ASTN1: variants seen among roughly 807,000 people sequenced by gnomAD.
ASTN1 encodes the protein astrotactin-1.
Under a neutral mutation model 140.7 loss-of-function variants are expected in ASTN1, and 41 were observed. That is an observed-to-expected ratio of 0.29 (90% CI 0.23 to 0.38). The LOEUF (loss-of-function observed/expected upper bound fraction) is 0.38, where lower values mean the gene tolerates loss of function less well. Among genes scored for constraint, ASTN1 ranks in the 10% least tolerant of loss-of-function variants. The probability of loss-of-function intolerance (pLI) is 1.00; values close to 1 mark genes in which losing one functional copy is unlikely to be tolerated. For missense variants in ASTN1, 1,479 were observed against 1,678.8 expected, an observed-to-expected ratio of 0.88 and a Z score of 2.08; for synonymous variants, 640 against 652.2, an observed-to-expected ratio of 0.98 and a Z score of 0.29.
chr1:177,117,298 C>T (rs558453752), intron 1 of ASTN1, among the ~76,000 whole-genome samples: 11 of 152,302 alleles, frequency 7.2e-5, no homozygotes, highest in Admixed American at 2.0e-4. Flanking sequence ...CCCGGCTTCA[C>T]TCCCACAGGT....
intron 16 of ASTN1, among the ~76,000 whole-genome samples, chr1:176,931,131 A>C (rs1671189166): frequency 6.6e-6 from 1 of 152,218 alleles, no homozygotes; most frequent in Admixed American, 6.5e-5. Flanking sequence ...GGGGAGGTTG[A>C]AAATTTCATT....
At chr1:177,084,807 CCTT>C (rs1336948228) in intron 1 of ASTN1, among the ~76,000 whole-genome samples, 2 of 152,090 alleles carry the variant, frequency 1.3e-5, no homozygotes, top group East Asian at 1.9e-4. Context: ...TTTCTTACTG[CCTT>C]CTTTTTTTTT....
intron 16 of ASTN1, among the ~76,000 whole-genome samples, chr1:176,899,755 C>T (rs775628966): frequency 1.3e-5 from 2 of 152,236 alleles, no homozygotes; most frequent in South Asian, 4.2e-4. Context: ...AGTCTATCCA[C>T]CCAGTCTCTA....
Position 176,943,975 on chromosome 1 carries a change from C to A in ASTN1, c.2293G>T (p.Gly765Cys). The A allele has an allele frequency of 6.2e-7, 1 of 1,614,090 alleles. No individual in the cohort carries two copies. The highest frequency in any genetic ancestry group is 8.5e-7 in the Non-Finnish European group (1 of 1,179,988). ...ARGLDQQLPD[G>C]LVVATVPLEN... Reference sequence around the variant, plus strand: ...AGGGGCACAGTGGCCACCACAAGACCATCTGGCAGTTGCTGGTCTAAACCA... The same window carrying A: ...AGGGGCACAGTGGCCACCACAAGACAATCTGGCAGTTGCTGGTCTAAACCA... The change falls in exon 14 of 23, where the codon GGT becomes TGT. Residue 765 changes from glycine (G) to cysteine (C), a missense_variant. Transcript: ENST00000361833.
intron 8 of ASTN1, among the ~76,000 whole-genome samples, chr1:176,985,845 TACACACACA>T (rs1297814652): frequency 3.3e-4 from 43 of 129,742 alleles, no homozygotes; most frequent in Middle Eastern, 7.8e-3. Flanking sequence ...TCTCTCTCTC[TACACACACA>T]CACACACACA....
intron 2 of ASTN1, among the ~76,000 whole-genome samples, chr1:177,060,276 G>A (rs1280595125): frequency 6.6e-6 from 1 of 152,152 alleles, no homozygotes; most frequent in Non-Finnish European, 1.5e-5. Context: ...AATAGTAAAG[G>A]ATCTGAGTTG....
intron 1 of ASTN1, among the ~76,000 whole-genome samples, chr1:177,140,155 C>T (rs570854169): frequency 1.3e-5 from 2 of 152,202 alleles, no homozygotes; most frequent in Admixed American, 6.5e-5. Flanking sequence ...ATCATCAAAG[C>T]GATGCTACAG....
At chr1:177,106,859 C>T (rs935302608) in intron 1 of ASTN1, among the ~76,000 whole-genome samples, 1 of 152,138 alleles carries the variant, frequency 6.6e-6, no homozygotes. Flanking sequence ...AATTCCCTCC[C>T]AAGTCCAGGA....
At chr1:176,867,347 AG>A (rs1429305437) in intron 22 of ASTN1, among the ~76,000 whole-genome samples, 1 of 151,712 alleles carries the variant, frequency 6.6e-6, no homozygotes, top group Non-Finnish European at 1.5e-5. Flanking sequence ...AGAGGAAAGG[AG>A]GGGGTGGAGA....
At chr1:177,148,724 C>G (rs1021689899) in intron 1 of ASTN1, among the ~76,000 whole-genome samples, 2 of 150,642 alleles carry the variant, frequency 1.3e-5, no homozygotes, top group Non-Finnish European at 3.0e-5. Flanking sequence ...AAAGAAGAGA[C>G]CAGTTTCAAG....
chr1:176,930,491 G>A (rs1571526093), intron 16 of ASTN1, among the ~76,000 whole-genome samples: 1 of 152,116 alleles, frequency 6.6e-6, no homozygotes, highest in Admixed American at 6.5e-5. Context: ...TGACCAAGAT[G>A]TACATGGTTT....
chr1:176,891,326 C>CCATTCATTTATCTATTTATGCATCTATT (rs1229249587), intron 17 of ASTN1, among the ~76,000 whole-genome samples: 1 of 152,190 alleles, frequency 6.6e-6, no homozygotes, highest in African/African-American at 2.4e-5. Context: ...ATTCATCTAT[C>CCATTCATTTATCTATTTATGCATCTATT]CATTCATTTA....
At chr1:177,050,767 G>A (rs985321318) in intron 2 of ASTN1, among the ~76,000 whole-genome samples, 2 of 152,156 alleles carry the variant, frequency 1.3e-5, no homozygotes, top group African/African-American at 2.4e-5. Flanking sequence ...AACTCTTAAA[G>A]ATACGTAACA....
At chr1:176,995,766 G>A (rs559282004) in intron 8 of ASTN1, among the ~76,000 whole-genome samples, 1 of 152,264 alleles carries the variant, frequency 6.6e-6, no homozygotes, top group East Asian at 1.9e-4. Context: ...AGATCTTTTG[G>A]TGGCTAGAGA....
intron 16 of ASTN1, among the ~76,000 whole-genome samples, chr1:176,920,178 C>T (rs775283553): frequency 6.6e-6 from 1 of 152,104 alleles, no homozygotes; most frequent in African/African-American, 2.4e-5. Context: ...CGCTGATGGG[C>T]TTTGTATGGT....
chr1:177,029,366 A>T, intron 5 of ASTN1: 1 of 662,328 alleles, frequency 1.5e-6, no homozygotes, highest in Non-Finnish European at 2.9e-6. Context: ...AGAAATTGAG[A>T]GTCATCTGAC....
chr1:177,162,131 T>C (rs1647411000), intron 1 of ASTN1, among the ~76,000 whole-genome samples: 2 of 152,164 alleles, frequency 1.3e-5, no homozygotes, highest in African/African-American at 4.8e-5. Flanking sequence ...ACTACAGCCC[T>C]CACCATTGGC....
chr1:177,150,676 G>C (rs1427793071), intron 1 of ASTN1, among the ~76,000 whole-genome samples: 1 of 152,140 alleles, frequency 6.6e-6, no homozygotes, highest in Non-Finnish European at 1.5e-5. Flanking sequence ...GATGAGAAGG[G>C]TGTGACCCTA....
chr1:177,131,531 T>C (rs781675833), intron 1 of ASTN1, among the ~76,000 whole-genome samples: 2 of 109,210 alleles, frequency 1.8e-5, no homozygotes, highest in Admixed American at 8.4e-5. Context: ...TAAAATTACA[T>C]TTTTTTTTTA....
Sources: allele counts gnomAD v4.1 joint callset (sites outside exome capture counted in the v4.1 genomes callset), GRCh38; gene constraint gnomAD v4.1.1; transcripts MANE v1.5; gene names NCBI Gene and HGNC (gene_info 2026-07-23, HGNC 2026-07-21).